The following RTN3 variants were observed in gnomAD, a reference collection of about 807,000 sequenced individuals.
The protein encoded by RTN3 is reticulon 3, also known as reticulon-3.
In RTN3, 49 loss-of-function variants were observed where a neutral mutation model predicts 77.8. The ratio of observed to expected loss-of-function variants is 0.63; its 90% CI spans 0.50 to 0.80. The LOEUF (loss-of-function observed/expected upper bound fraction) is 0.80. Ranked by LOEUF, RTN3 falls within the 30% of genes least tolerant of loss-of-function variation. The pLI is 0.00. For synonymous variants in RTN3, 464 were observed against 446.9 expected (o/e 1.04, Z -0.48); for missense variants, 1,236 against 1,211.9 (o/e 1.02, Z -0.29).
At chr11:63,756,022 A>G in intron 7 of RTN3, 90 bp from the exon 8 acceptor site, 1 of 904,184 alleles carries the variant, frequency 1.1e-6, no homozygotes, top group Non-Finnish European at 1.8e-6. Context: ...CGTGTTTAAA[A>G]AATGGTTAAA....
chr11:63,691,423 A>T (rs1479848436), intron 1 of RTN3, among the ~76,000 whole-genome samples: 1 of 151,828 alleles, frequency 6.6e-6, no homozygotes, highest in African/African-American at 2.4e-5. Flanking sequence ...GTCCGACCTA[A>T]TTATTTTTAT....
At chr11:63,702,732 C>T (rs969514532) in intron 1 of RTN3, among the ~76,000 whole-genome samples, 5 of 151,494 alleles carry the variant, frequency 3.3e-5, no homozygotes, top group African/African-American at 4.9e-5. Flanking sequence ...GTTGCCCAGG[C>T]TGGAGTGCAA....
chr11:63,727,146 T>G (rs968039995), intron 3 of RTN3, among the ~76,000 whole-genome samples: 1 of 152,104 alleles, frequency 6.6e-6, no homozygotes, highest in African/African-American at 2.4e-5. Flanking sequence ...TAAGACTCTA[T>G]CTTGAAAAAA....
Position 63,720,335 on chromosome 11 carries a change from T to G in RTN3, c.1833T>G (p.Leu611=), listed in dbSNP as rs775201566. 24 of 1,613,988 alleles carry G rather than the reference T, an allele frequency of 1.5e-5. No homozygotes were observed. In the Middle Eastern group the frequency reaches 5.0e-4, roughly 33 times the overall value. The change falls in exon 3 of 9, where the codon CTT becomes CTG. Residue 611 remains leucine, a synonymous_variant. Transcript: ENST00000377819. ...EKPITTENPK[L]PSTVSPNVFN... ...CTATTACTACTGAGAACCCCAAACT[T>G]CCTTCAACAGTGTCTCCAAATGTTT...
At position 63,720,830 on chromosome 11, in the gene RTN3, A is replaced by G. The variant is rs1345734537; in HGVS notation, c.2328A>G (p.Gln776=). The G allele has an allele frequency of 3.7e-6, 6 of 1,613,920 alleles. No homozygotes were observed. Among genetic ancestry groups the G allele is most frequent in the East Asian group, 2.2e-5 (1 of 44,894 alleles). Residue 776 remains glutamine (Q), a synonymous_variant, in exon 3 of 9, where the codon CAA becomes CAG. Coordinates refer to ENST00000377819, the MANE Select transcript of RTN3 (RefSeq NM_001265589.2). ...AELPSEEVLK[Q]TFTFAPESWP... ...TGCCTTCTGAAGAAGTACTGAAGCA[A>G]ACTTTCACATTTGCTCCAGAATCTT...
At chr11:63,749,847 C>A in intron 3 of RTN3, 144 bp from the exon 4 acceptor site, 1 of 654,566 alleles carries the variant, frequency 1.5e-6, no homozygotes, top group Admixed American at 2.6e-5. Context: ...CATAGTGAGA[C>A]CCCATCTCTT....
At chr11:63,751,428 T>C (rs767276630) in intron 4 of RTN3, among the ~76,000 whole-genome samples, 1 of 152,274 alleles carries the variant, frequency 6.6e-6, no homozygotes, top group East Asian at 1.9e-4. Context: ...ACTACATTTC[T>C]AGTATACAAT....
intron 3 of RTN3, among the ~76,000 whole-genome samples, chr11:63,737,313 T>C (rs1244992717): frequency 6.6e-6 from 1 of 152,140 alleles, no homozygotes; most frequent in East Asian, 1.9e-4. Flanking sequence ...AACCATAAAA[T>C]TAAAGATTGA....
chr11:63,693,596 G>A (rs1179993456), intron 1 of RTN3, among the ~76,000 whole-genome samples: 1 of 152,128 alleles, frequency 6.6e-6, no homozygotes, highest in African/African-American at 2.4e-5. Context: ...TGTAAACTTT[G>A]TTACATGCTT....
At position 63,683,943 on chromosome 11, in the gene RTN3, C is replaced by CTTTTTTTTTTTTTTTTTTT. The variant is rs35837590; in HGVS notation, c.142+2176_142+2194dup. 1.4e-4 allele frequency among the ~76,000 whole-genome samples: 8 copies of CTTTTTTTTTTTTTTTTTTT among 58,946 alleles called. 1 individual carries two copies. Among genetic ancestry groups the CTTTTTTTTTTTTTTTTTTT allele is most frequent in the Non-Finnish European group, 1.7e-4 (5 of 30,158 alleles). 38.7% of individuals were successfully genotyped at this position (58,946 alleles called of 152,430 possible). On this transcript the variant is annotated intron_variant, in intron 1 of 8. Transcript: ENST00000377819. The stretch of plus-strand genomic sequence containing the variant: ...TATTTCTTTCTCTTTTCTTTTCTTT[C>CTTTTTTTTTTTTTTTTTTT]TTTTTTTTTTTTTTTTTTTTTTTTT...
chr11:63,701,939 AAAAT>A (rs1445566999), intron 1 of RTN3, among the ~76,000 whole-genome samples: 34 of 152,296 alleles, frequency 2.2e-4, no homozygotes, highest in African/African-American at 7.2e-4. Context: ...CTTTGTCTCA[AAAAT>A]AAATAAATAA....
rs139623596 is a variant in RTN3 at position 63,736,469 on chromosome 11, C to T, written c.2531-13522C>T. 9.2e-3 allele frequency among the ~76,000 whole-genome samples: 1,405 copies of T among 152,236 alleles called. 15 individuals carry two copies. Among genetic ancestry groups the T allele is most frequent in the African/African-American group, 0.032 (1,318 of 41,524 alleles). On this transcript the variant is annotated intron_variant, in intron 3 of 8. Coordinates refer to ENST00000377819, the MANE Select transcript of RTN3 (RefSeq NM_001265589.2). ...TTAGGAGGCTGAGGCAGGTGGATCA[C>T]CTGAGGTAGGAGTTCAAGACCAGTC...
chr11:63,700,347 T>C (rs1279053170), intron 1 of RTN3, among the ~76,000 whole-genome samples: 1 of 148,614 alleles, frequency 6.7e-6, no homozygotes, highest in Non-Finnish European at 1.5e-5. Flanking sequence ...GTGATCACGG[T>C]TCACTGCAGC....
chr11:63,743,911 G>A (rs1308895401), intron 3 of RTN3, among the ~76,000 whole-genome samples: 3 of 151,800 alleles, frequency 2.0e-5, no homozygotes, highest in Non-Finnish European at 2.9e-5. Context: ...CTGAGACTCC[G>A]TCTCAAAACA....
intron 2 of RTN3, among the ~76,000 whole-genome samples, chr11:63,715,485 G>A (rs1370190353): frequency 6.6e-6 from 1 of 152,000 alleles, no homozygotes; most frequent in Non-Finnish European, 1.5e-5. Context: ...GGTGAAACCA[G>A]CTCTCTACTA....
In RTN3 at chr11:63,719,003, T is replaced by C; in HGVS notation, c.501T>C (p.Ala167=). The C allele has an allele frequency of 6.2e-7, 1 of 1,614,164 alleles. No individual in the cohort carries two copies. The highest frequency in any genetic ancestry group is 8.5e-7 in the Non-Finnish European group (1 of 1,180,032). ...CAGCCAGTTTCCCAGAGCATCCTGC[T>C]TTTCTCTCAAAGAAAATTGGTCAAG... ...SIPASFPEHP[A]FLSKKIGQVE... is the part of the protein sequence containing the mutation. Residue 167 remains alanine (A), a synonymous_variant, in exon 3 of 9, where the codon GCT becomes GCC. Transcript: ENST00000377819.
At chr11:63,692,721 A>G (rs1376395703) in intron 1 of RTN3, among the ~76,000 whole-genome samples, 3 of 152,014 alleles carry the variant, frequency 2.0e-5, no homozygotes, top group Admixed American at 1.3e-4. Context: ...AGATCATGCC[A>G]CTGCACTTCA....
Position 63,720,746 on chromosome 11 carries a change from T to C in RTN3, c.2244T>C (p.Leu748=), listed in dbSNP as rs2011719287. ...LEQEQLTIKA[L]KELGERQVEK... ...AAGAACAGCTCACAATTAAGGCTCT[T>C]AAAGAATTAGGTGAAAGACAGGTTG... Residue 748 remains leucine (L), a synonymous_variant, in exon 3 of 9, where the codon CTT becomes CTC. Coordinates refer to ENST00000377819, the MANE Select transcript of RTN3 (RefSeq NM_001265589.2). 3 of 1,614,064 alleles carry C rather than the reference T, an allele frequency of 1.9e-6. No individual in the cohort carries two copies. Among genetic ancestry groups the C allele is most frequent in the Admixed American group, 1.7e-5 (1 of 60,006 alleles).
intron 7 of RTN3, among the ~76,000 whole-genome samples, chr11:63,754,826 G>T (rs1323224642): frequency 2.0e-5 from 3 of 150,950 alleles, no homozygotes; most frequent in East Asian, 3.9e-4. Flanking sequence ...ACTCAGAGAG[G>T]CTGAGGCAGG....
Sources: allele counts gnomAD v4.1 joint callset (sites outside exome capture counted in the v4.1 genomes callset), GRCh38; gene constraint gnomAD v4.1.1; transcripts MANE v1.5; gene names NCBI Gene and HGNC (gene_info 2026-07-23, HGNC 2026-07-21).